Variants in RIT2 observed in about 807,000 individuals in gnomAD.
RIT2 encodes the protein Ras like without CAAX 2.
In RIT2, 24 loss-of-function variants were observed where a neutral mutation model predicts 23.7. The ratio of observed to expected loss-of-function variants is 1.01; its 90% confidence interval spans 0.73 to 1.43. RIT2 has a LOEUF of 1.43. Ranked by LOEUF, RIT2 falls within the 40% of genes most tolerant of loss-of-function variation. The pLI is 0.00. For synonymous variants in RIT2, 107 were observed against 91.1 expected (o/e 1.17, Z -0.99); for missense variants, 236 against 266.9 (o/e 0.88, Z 0.81).
At chr18:42,828,111 G>C (rs954536845) in intron 4 of RIT2, among the ~76,000 whole-genome samples, 3 of 151,218 alleles carry the variant, frequency 2.0e-5, no homozygotes, top group Non-Finnish European at 4.4e-5. Context: ...TTTGACAATC[G>C]TAAGTGCTGA....
At chr18:42,942,944 TC>T (rs1909638999) in intron 3 of RIT2, among the ~76,000 whole-genome samples, 3 of 152,260 alleles carry the variant, frequency 2.0e-5, no homozygotes, top group Admixed American at 2.0e-4. Context: ...CAGAGCTGGT[TC>T]CTTCTGGTGG....
chr18:42,815,685 A>G (rs184234935), intron 4 of RIT2, among the ~76,000 whole-genome samples: 6 of 152,286 alleles, frequency 3.9e-5, no homozygotes, highest in Non-Finnish European at 1.5e-5. Context: ...ATAGCCCTGT[A>G]CTTGCATGAA....
At chr18:42,803,316 A>G (rs1905593030) in intron 4 of RIT2, among the ~76,000 whole-genome samples, 1 of 152,214 alleles carries the variant, frequency 6.6e-6, no homozygotes, top group Non-Finnish European at 1.5e-5. Context: ...ATTTAATACT[A>G]AAATGAATTA....
chr18:43,094,345 C>T (rs1913499961), intron 1 of RIT2, among the ~76,000 whole-genome samples: 2 of 151,832 alleles, frequency 1.3e-5, no homozygotes, highest in Admixed American at 1.3e-4. Context: ...TCAAATCCAC[C>T]TCTCTCTTGC....
At position 43,008,759 on chromosome 18, in the gene RIT2, G is replaced by GA. The variant is rs567831772; in HGVS notation, c.160+25051dup. Among the ~76,000 whole-genome samples the GA allele has an allele frequency of 1.0e-3, 154 of 150,982 alleles. 1 individual carries two copies. The highest frequency in any genetic ancestry group is 3.5e-3 in the African/African-American group (144 of 41,256). ...GCTTAGTATAAATCTTTCTATCTTG[G>GA]AAAAAAAATGTTTTTAAAAAGGTTG... On this transcript the variant is annotated intron_variant, in intron 2 of 4. Coordinates refer to ENST00000326695, the MANE Select transcript of RIT2 (RefSeq NM_002930.4).
At chr18:43,013,196 A>G (rs1911391003) in intron 2 of RIT2, among the ~76,000 whole-genome samples, 1 of 151,894 alleles carries the variant, frequency 6.6e-6, no homozygotes, top group Admixed American at 6.6e-5. Flanking sequence ...TGACTTTGAA[A>G]AGATTCTTAT....
intron 4 of RIT2, among the ~76,000 whole-genome samples, chr18:42,865,907 T>G (rs1428293341): frequency 6.6e-6 from 1 of 152,162 alleles, no homozygotes; most frequent in Non-Finnish European, 1.5e-5. Flanking sequence ...GGCTGCATCT[T>G]CTGCCTGGAA....
chr18:42,919,957 T>C (rs529299667), intron 4 of RIT2, among the ~76,000 whole-genome samples: 2 of 152,276 alleles, frequency 1.3e-5, no homozygotes, highest in African/African-American at 4.8e-5. Context: ...AGACAGACTT[T>C]AGAATAGTCT....
intron 3 of RIT2, among the ~76,000 whole-genome samples, chr18:42,967,536 A>ATTTTTTTTTTT (rs397940927): frequency 1.7e-4 from 14 of 80,754 alleles, no homozygotes; most frequent in East Asian, 7.2e-4. Flanking sequence ...CGCCCGGCTA[A>ATTTTTTTTTTT]TTTTTTTTTT....
chr18:42,805,377 A>T (rs1275701153), intron 4 of RIT2, among the ~76,000 whole-genome samples: 1 of 152,212 alleles, frequency 6.6e-6, no homozygotes, highest in African/African-American at 2.4e-5. Context: ...GTTGAAATAC[A>T]TGAAGACTCT....
chr18:42,744,360 A>G (rs1004849023), intron 4 of RIT2, among the ~76,000 whole-genome samples: 7 of 152,216 alleles, frequency 4.6e-5, no homozygotes, highest in Admixed American at 2.0e-4. Flanking sequence ...GTTTTAAGAG[A>G]GAATCCTAGA....
At chr18:43,014,012 T>C (rs1242773181) in intron 2 of RIT2, among the ~76,000 whole-genome samples, 1 of 151,832 alleles carries the variant, frequency 6.6e-6, no homozygotes, top group African/African-American at 2.4e-5. Flanking sequence ...GCTCCGCTGC[T>C]GGGTAAGGCT....
chr18:42,802,910 G>T (rs181793799), intron 4 of RIT2, among the ~76,000 whole-genome samples: 2,949 of 151,746 alleles, frequency 0.019, 38 homozygotes, highest in Non-Finnish European at 0.025. Flanking sequence ...AGCTTTTTTT[G>T]TGTGTGTGTG....
In RIT2 at chr18:43,007,069, C is replaced by T. The variant is rs145887319; in HGVS notation, c.160+26742G>A. On this transcript the variant is annotated intron_variant, in intron 2 of 4. Transcript: ENST00000326695. ...TATAAGCCAAAGATTTTATATCATG[C>T]AAACTAACTTTCAAGTATAAAGATA... Among the ~76,000 whole-genome samples, 75 of 151,606 alleles carry T rather than the reference C, an allele frequency of 4.9e-4. 1 individual carries two copies. In the East Asian group the frequency reaches 0.014, roughly 28 times the overall value.
At chr18:43,059,438 T>C (rs961588287) in intron 1 of RIT2, among the ~76,000 whole-genome samples, 1 of 152,162 alleles carries the variant, frequency 6.6e-6, no homozygotes, top group African/African-American at 2.4e-5. Flanking sequence ...GCTTGAGCGA[T>C]ATCAGGAGTT....
At chr18:42,827,650 A>T (rs1350369024) in intron 4 of RIT2, among the ~76,000 whole-genome samples, 1 of 152,196 alleles carries the variant, frequency 6.6e-6, no homozygotes, top group Non-Finnish European at 1.5e-5. Context: ...TGTATAGGCA[A>T]TTCAAATAAG....
At chr18:42,810,818 A>C (rs1905830760) in intron 4 of RIT2, among the ~76,000 whole-genome samples, 1 of 151,994 alleles carries the variant, frequency 6.6e-6, no homozygotes, top group Admixed American at 6.6e-5. Flanking sequence ...CAGATACAAA[A>C]TCTAAACTTT....
At chr18:42,822,678 T>G (rs1467960105) in intron 4 of RIT2, among the ~76,000 whole-genome samples, 1 of 152,136 alleles carries the variant, frequency 6.6e-6, no homozygotes, top group African/African-American at 2.4e-5. Context: ...ATCCTGTTTT[T>G]TTCTGCTAAA....
At chr18:42,931,011 C>T (rs1434973623) in intron 3 of RIT2, among the ~76,000 whole-genome samples, 1 of 152,102 alleles carries the variant, frequency 6.6e-6, no homozygotes, top group Non-Finnish European at 1.5e-5. Flanking sequence ...ATGCACAGTA[C>T]TGAACTGTCC....
Sources: allele counts gnomAD v4.1 joint callset (sites outside exome capture counted in the v4.1 genomes callset), GRCh38; gene constraint gnomAD v4.1.1; transcripts MANE v1.5; gene names NCBI Gene and HGNC (gene_info 2026-07-23, HGNC 2026-07-21).